Variants in KIAA1217 observed in about 807,000 individuals in gnomAD.
KIAA1217 encodes the protein KIAA1217.
KIAA1217 carries 88 observed loss-of-function variants against 163.9 expected under a neutral mutation model. The observed-to-expected ratio is 0.54, with a 90% CI of 0.45 to 0.64. The LOEUF is 0.64. KIAA1217 is among the 30% of genes least tolerant of loss of function. The pLI is 0.00. For synonymous variants in KIAA1217, 903 were observed against 923.1 expected (o/e 0.98, Z 0.39); for missense variants, 2,372 against 2,475.0 (o/e 0.96, Z 0.88).
intron 2 of KIAA1217, among the ~76,000 whole-genome samples, chr10:24,225,861 C>T (rs924178757): frequency 2.6e-5 from 4 of 152,168 alleles, no homozygotes; most frequent in African/African-American, 7.2e-5. Flanking sequence ...TTTCTTCTTT[C>T]GCCTCTGTAA....
intron 1 of KIAA1217, among the ~76,000 whole-genome samples, chr10:23,958,826 C>T (rs1441815274): frequency 6.6e-6 from 1 of 151,736 alleles, no homozygotes; most frequent in Non-Finnish European, 1.5e-5. Context: ...TATCTTTCAT[C>T]TCTGCTGTAC....
At chr10:23,887,395 G>A (rs1841227561) in intron 1 of KIAA1217, among the ~76,000 whole-genome samples, 1 of 151,832 alleles carries the variant, frequency 6.6e-6, no homozygotes, top group South Asian at 2.1e-4. Flanking sequence ...ATAACAAAGA[G>A]TTGTAAAAGA....
At chr10:23,819,736 T>C (rs1837531750) in intron 1 of KIAA1217, among the ~76,000 whole-genome samples, 2 of 152,346 alleles carry the variant, frequency 1.3e-5, no homozygotes, top group East Asian at 3.9e-4. Context: ...GATTTGAAAC[T>C]TTTTGTGTCG....
intron 1 of KIAA1217, among the ~76,000 whole-genome samples, chr10:23,754,728 C>T (rs1207244183): frequency 3.9e-5 from 6 of 152,128 alleles, no homozygotes; most frequent in Non-Finnish European, 7.4e-5. Context: ...TCCTGACACT[C>T]AGCTGCTTAG....
chr10:23,708,262 A>G, intron 1 of KIAA1217, among the ~76,000 whole-genome samples: 1 of 152,188 alleles, frequency 6.6e-6, no homozygotes, highest in Non-Finnish European at 1.5e-5. Context: ...GGTCCCTCCC[A>G]CAACATGTGG....
chr10:23,900,247 C>T (rs1841899339), intron 1 of KIAA1217, among the ~76,000 whole-genome samples: 2 of 151,972 alleles, frequency 1.3e-5, no homozygotes, highest in Admixed American at 1.3e-4. Context: ...CTAAGGTGAC[C>T]CGCCCACCTC....
intron 2 of KIAA1217, among the ~76,000 whole-genome samples, chr10:24,202,309 C>T (rs1277636878): frequency 6.6e-6 from 1 of 152,204 alleles, no homozygotes; most frequent in Non-Finnish European, 1.5e-5. Flanking sequence ...GGGCAATTCA[C>T]TTGTTTCGCT....
intron 2 of KIAA1217, among the ~76,000 whole-genome samples, chr10:24,291,350 A>G (rs7920453): frequency 0.078 from 11,924 of 152,136 alleles, 625 homozygotes; most frequent in African/African-American, 0.14. Context: ...CCAACATGGT[A>G]AAACCCTGTC....
chr10:24,089,763 C>A (rs928148390), intron 2 of KIAA1217, among the ~76,000 whole-genome samples: 4 of 151,728 alleles, frequency 2.6e-5, no homozygotes, highest in Admixed American at 2.6e-4. Context: ...TCAAGGAGAA[C>A]TACAAACCAC....
At chr10:24,424,218 C>G (rs1288916157) in intron 3 of KIAA1217, among the ~76,000 whole-genome samples, 1 of 152,172 alleles carries the variant, frequency 6.6e-6, no homozygotes, top group East Asian at 1.9e-4. Flanking sequence ...GGAGAGTTCT[C>G]TCTGGGATTT....
intron 2 of KIAA1217, among the ~76,000 whole-genome samples, chr10:24,271,130 T>C (rs1285551981): frequency 2.6e-5 from 4 of 152,220 alleles, no homozygotes; most frequent in South Asian, 2.1e-4. Context: ...CAAAGTACTT[T>C]TGAAGCTTTC....
chr10:23,946,309 GA>G (rs1158585755), intron 1 of KIAA1217, among the ~76,000 whole-genome samples: 75 of 133,416 alleles, frequency 5.6e-4, no homozygotes, highest in Middle Eastern at 3.9e-3. Context: ...TGGCATATAG[GA>G]AAAAAAAAAG....
chr10:23,773,934 A>T (rs1019964820), intron 1 of KIAA1217, among the ~76,000 whole-genome samples: 5 of 152,124 alleles, frequency 3.3e-5, no homozygotes, highest in Middle Eastern at 3.4e-3. Context: ...CTCTTTTCCT[A>T]ATTGAATACC....
intron 1 of KIAA1217, among the ~76,000 whole-genome samples, chr10:23,781,752 T>G (rs1190599970): frequency 6.6e-6 from 1 of 152,136 alleles, no homozygotes; most frequent in Non-Finnish European, 1.5e-5. Flanking sequence ...TTGTGTAGAG[T>G]GTAAGATGAG....
At chr10:24,417,871 T>C (rs930663486) in intron 3 of KIAA1217, among the ~76,000 whole-genome samples, 2 of 151,498 alleles carry the variant, frequency 1.3e-5, no homozygotes, top group African/African-American at 2.4e-5. Flanking sequence ...TTTTTTTTTT[T>C]TGGTTATTAA....
At chr10:24,270,961 T>C (rs561260635) in intron 2 of KIAA1217, among the ~76,000 whole-genome samples, 2 of 152,234 alleles carry the variant, frequency 1.3e-5, no homozygotes, top group South Asian at 4.1e-4. Flanking sequence ...CACTATTTAT[T>C]CTGCTGAGGG....
chr10:23,718,971 CTGTGTT>C (rs1310205677), intron 1 of KIAA1217, among the ~76,000 whole-genome samples: 1 of 151,952 alleles, frequency 6.6e-6, no homozygotes, highest in Non-Finnish European at 1.5e-5. Flanking sequence ...CACAATAAAC[CTGTGTT>C]TGTGTTTGAC....
chr10:24,483,947 G>A (rs950830731), intron 6 of KIAA1217, among the ~76,000 whole-genome samples: 1 of 151,898 alleles, frequency 6.6e-6, no homozygotes, highest in Non-Finnish European at 1.5e-5. Flanking sequence ...CTAGATGTGA[G>A]TCACTAAGGG....
chr10:24,219,581 T>C (rs781523457), intron 1 of KIAA1217, 45 bp from the exon 2 acceptor site: 3 of 1,496,184 alleles, frequency 2.0e-6, no homozygotes, highest in Non-Finnish European at 2.7e-6. Context: ...ATGAGACTTC[T>C]AGTGTGAAAT....
Sources: allele counts gnomAD v4.1 joint callset (sites outside exome capture counted in the v4.1 genomes callset), GRCh38; gene constraint gnomAD v4.1.1; transcripts MANE v1.5; gene names NCBI Gene and HGNC (gene_info 2026-07-23, HGNC 2026-07-21).